TCF24: variants seen among roughly 807,000 people sequenced by gnomAD.
TCF24 encodes the protein transcription factor 24.
A neutral mutation model predicts 9.3 loss-of-function variants in TCF24; 5 were observed. That is an observed-to-expected ratio of 0.54 (90% CI 0.28 to 1.13). TCF24 has a LOEUF of 1.13. TCF24 is among the 50% of genes most tolerant of loss of function. The probability of loss-of-function intolerance (pLI) is 0.09; values close to 1 mark genes in which losing one functional copy is unlikely to be tolerated. For missense variants in TCF24, 220 were observed against 236.1 expected (o/e 0.93, Z 0.45); for synonymous variants, 110 against 115.8 (o/e 0.95, Z 0.32).
At position 66,947,715 on chromosome 8, in the gene TCF24, A is replaced by G. The variant is rs1813984951; in HGVS notation, c.*336T>C. The G allele has an allele frequency of 6.1e-6, 1 of 165,152 alleles. No individual in the cohort carries two copies. Among genetic ancestry groups the G allele is most frequent in the African/African-American group, 2.4e-5 (1 of 41,960 alleles). The allele number at this position is 165,152 out of a possible 1,614,324, so 10.2% of individuals were successfully genotyped here. A position where few individuals can be genotyped will look rare whatever the true frequency, so the allele number is the denominator to read the frequency against. On this transcript the variant is annotated 3_prime_UTR_variant, in exon 4 of 4. Coordinates refer to ENST00000563496, the MANE Select transcript of TCF24 (RefSeq NM_001193502.2). ...TAAACTAGGAAGACTGCACCAATAG[A>G]TATGAACTTTTCTGTTTGTAATAGA... is the stretch of plus-strand genomic sequence containing the variant.
Position 66,949,950 on chromosome 8 carries a change from GTTGT to G in TCF24, c.391-1790_391-1787del, listed in dbSNP as rs1289644991. 2.6e-3 allele frequency among the ~76,000 whole-genome samples: 376 copies of G among 144,258 alleles called. 1 individual carries two copies. Among genetic ancestry groups the G allele is most frequent in the Non-Finnish European group, 4.1e-3 (270 of 66,442 alleles). 94.6% of individuals were successfully genotyped at this position (144,258 alleles called of 152,430 possible). On this transcript the variant is annotated intron_variant, in intron 3 of 3. Coordinates refer to ENST00000563496, the MANE Select transcript of TCF24 (RefSeq NM_001193502.2). ...TGTCCTTCGCCCACTTTTTGATGGG[GTTGT>G]TTGTTTTTTTCTTGTAAATTTGGTT...
chr8:66,951,285 A>G (rs961380025), intron 3 of TCF24, among the ~76,000 whole-genome samples: 1 of 147,886 alleles, frequency 6.8e-6, no homozygotes, highest in Non-Finnish European at 1.5e-5. Context: ...TAATTTATTG[A>G]GAGTTTTTAG....
Position 66,946,550 on chromosome 8 carries a change from T to C in TCF24, c.*1501A>G, listed in dbSNP as rs1402452045. The C allele has an allele frequency of 6.6e-6, 1 of 152,116 alleles. No individual in the cohort carries two copies. The highest frequency in any genetic ancestry group is 1.9e-4 in the East Asian group (1 of 5,192). The allele number at this position is 152,116 out of a possible 1,614,324, so 9.4% of individuals were successfully genotyped here. A position where few individuals can be genotyped will look rare whatever the true frequency, so the allele number is the denominator to read the frequency against. ...TTTATAATACCTCTTATCATGACCA[T>C]TCACCATTAAAGCATTAAAAGAGCA... On this transcript the variant is annotated 3_prime_UTR_variant, in exon 4 of 4. Coordinates refer to ENST00000563496, the MANE Select transcript of TCF24 (RefSeq NM_001193502.2).
rs1372972322 is a variant in TCF24, at chr8:66,951,808, CTGGTTTAGTCT to C, written c.391-3655_391-3645del. Among the ~76,000 whole-genome samples, 6 of 151,972 alleles carry C rather than the reference CTGGTTTAGTCT, an allele frequency of 3.9e-5. No homozygotes were observed. In the East Asian group the frequency reaches 1.2e-3, roughly 29 times the overall value. On this transcript the variant is annotated intron_variant, in intron 3 of 3. Transcript: ENST00000563496. ...GTCTATTCAGAGATTCAACTTCTTC[CTGGTTTAGTCT>C]TGGGAGAGTGTATGTGTCAAGGAAT...
Position 66,947,964 on chromosome 8 carries a change from T to C in TCF24, c.*87A>G. On this transcript the variant is annotated 3_prime_UTR_variant, in exon 4 of 4. Coordinates refer to ENST00000563496, the MANE Select transcript of TCF24 (RefSeq NM_001193502.2). ...CACATGTAAACTTTCAGAAATTTTG[T>C]TATGTCTCATATAATAAATATAGAA... 1.0e-6 allele frequency: 1 copy of C among 985,984 alleles called. No homozygotes were observed. Among genetic ancestry groups the C allele is most frequent in the East Asian group, 2.7e-5 (1 of 37,114 alleles). The allele number at this position is 985,984 out of a possible 1,614,324, so 61.1% of individuals were successfully genotyped here. A position where few individuals can be genotyped will look rare whatever the true frequency, so the allele number is the denominator to read the frequency against.
rs1295856315 is a variant in TCF24 at position 66,947,459 on chromosome 8, A to C, written c.*592T>G. 6.6e-6 allele frequency: 1 copy of C among 152,272 alleles called. No homozygotes were observed. Among genetic ancestry groups the C allele is most frequent in the African/African-American group, 2.4e-5 (1 of 41,470 alleles). 9.4% of individuals were successfully genotyped at this position (152,272 alleles called of 1,614,324 possible). Reference sequence around the variant, plus strand: ...ACAAGTTGCAAACACTGTAAGATACAGAATAACCCTCTAGGAAGGTGACCA... The same window carrying C: ...ACAAGTTGCAAACACTGTAAGATACCGAATAACCCTCTAGGAAGGTGACCA... On this transcript the variant is annotated 3_prime_UTR_variant, in exon 4 of 4. Coordinates refer to ENST00000563496, the MANE Select transcript of TCF24 (RefSeq NM_001193502.2).
intron 3 of TCF24, among the ~76,000 whole-genome samples, chr8:66,959,627 G>A (rs1814222424): frequency 6.6e-6 from 1 of 152,128 alleles, no homozygotes; most frequent in Admixed American, 6.6e-5. Flanking sequence ...TATAGGAAAG[G>A]GACTGAGTCT....
chr8:66,960,954 T>A (rs1814241922), intron 3 of TCF24, among the ~76,000 whole-genome samples: 1 of 152,184 alleles, frequency 6.6e-6, no homozygotes, highest in Non-Finnish European at 1.5e-5. Flanking sequence ...GTGAAATCTT[T>A]CAAATATCCC....
chr8:66,955,937 TA>T (rs1354187574), intron 3 of TCF24, among the ~76,000 whole-genome samples: 106 of 152,212 alleles, frequency 7.0e-4, no homozygotes, highest in African/African-American at 1.5e-3. Flanking sequence ...ATTTTATTAT[TA>T]TTTTTTTTTA....
At position 66,961,730 on chromosome 8, in the gene TCF24, G is replaced by T. The variant is rs2130903463; in HGVS notation, c.36C>A (p.Ser12Arg). Reference protein sequence around the residue: ...DRGRPAGSPLSASAEPAPLAA... With the variant: ...DRGRPAGSPLRASAEPAPLAA... ...CCAGGGGCGCGGGCTCGGCGCTGGC[G>T]CTGAGGGGGCTGCCCGCTGGGCGGC... Residue 12 changes from serine to arginine, a missense_variant, in exon 3 of 4, where the codon AGC becomes AGA. By Grantham distance (110) the Ser-to-Arg change is moderately radical (BLOSUM62 -1). Coordinates refer to ENST00000563496, the MANE Select transcript of TCF24 (RefSeq NM_001193502.2). The T allele has an allele frequency of 9.1e-7, 1 of 1,104,312 alleles. No homozygotes were observed. The highest frequency in any genetic ancestry group is 4.9e-5 in the East Asian group (1 of 20,358). The allele number at this position is 1,104,312 out of a possible 1,614,324, so 68.4% of individuals were successfully genotyped here.
At chr8:66,949,106 CTTTTT>C (rs536966114) in intron 3 of TCF24, among the ~76,000 whole-genome samples, 3 of 146,622 alleles carry the variant, frequency 2.0e-5, no homozygotes, top group Non-Finnish European at 4.5e-5. Context: ...CTTTTTTTTT[CTTTTT>C]TTTTTATTAT....
rs1007548799 is a variant in TCF24 at position 66,961,669 on chromosome 8, C to G, written c.97G>C (p.Gly33Arg). 81 of 1,117,056 alleles carry G rather than the reference C, an allele frequency of 7.3e-5. No homozygotes were observed. Among genetic ancestry groups the G allele is most frequent in the Non-Finnish European group, 8.7e-5 (80 of 915,950 alleles). The allele number at this position is 1,117,056 out of a possible 1,614,324, so 69.2% of individuals were successfully genotyped here. A position where few individuals can be genotyped will look rare whatever the true frequency, so the allele number is the denominator to read the frequency against. ...AIRDSRPGRT[G>R]PGPAGPGGGS... Reference sequence around the variant, plus strand: ...CCCCCAGGGCCCGCCGGCCCCGGCCCGGTCCGCCCGGGACGCGAGTCGCGG... The same window carrying G: ...CCCCCAGGGCCCGCCGGCCCCGGCCGGGTCCGCCCGGGACGCGAGTCGCGG... The change falls in exon 3 of 4, where the codon GGG becomes CGG. Residue 33 changes from glycine to arginine, a missense_variant. Transcript: ENST00000563496.
chr8:66,954,083 T>C (rs1237135216), intron 3 of TCF24, among the ~76,000 whole-genome samples: 2 of 152,258 alleles, frequency 1.3e-5, no homozygotes, highest in Non-Finnish European at 2.9e-5. Flanking sequence ...TCTGAAGCCT[T>C]CTTCTCTCAG....
chr8:66,952,619 A>G, intron 3 of TCF24, among the ~76,000 whole-genome samples: 1 of 150,816 alleles, frequency 6.6e-6, no homozygotes, highest in Admixed American at 6.6e-5. Flanking sequence ...GTCCGCTTGG[A>G]GCAGAGCTGA....
chr8:66,959,111 C>T (rs540540942), intron 3 of TCF24, among the ~76,000 whole-genome samples: 8 of 152,334 alleles, frequency 5.3e-5, no homozygotes, highest in African/African-American at 1.9e-4. Context: ...GCACACACCA[C>T]AGCCACCTAA....
chr8:66,948,389 A>C (rs1228100053), intron 3 of TCF24, among the ~76,000 whole-genome samples: 2 of 152,232 alleles, frequency 1.3e-5, no homozygotes, highest in Non-Finnish European at 2.9e-5. Context: ...TTTAGAAGTA[A>C]TATGTGTGCT....
Position 66,961,443 on chromosome 8 carries a change from T to C in TCF24, c.323A>G (p.Asp108Gly). 6.6e-7 allele frequency: 1 copy of C among 1,526,454 alleles called. No homozygotes were observed. Among genetic ancestry groups the C allele is most frequent in the Admixed American group, 2.0e-5 (1 of 50,392 alleles). The allele number at this position is 1,526,454 out of a possible 1,614,324, so 94.6% of individuals were successfully genotyped here. ...IAHLTRSLQDDAEAPADAGLG... is the reference protein window; with the variant it reads ...IAHLTRSLQDGAEAPADAGLG... Reference sequence around the variant, plus strand: ...CCCGGCGTCCGCCGGCGCCTCGGCGTCGTCCTGCAGGCTGCGGGTGAGATG... The same window carrying C: ...CCCGGCGTCCGCCGGCGCCTCGGCGCCGTCCTGCAGGCTGCGGGTGAGATG... Residue 108 changes from aspartate to glycine, a missense_variant, in exon 3 of 4, where the codon GAC (aspartate) becomes GGC (glycine). By Grantham distance (94) the Asp-to-Gly change is moderately conservative (BLOSUM62 -1). Coordinates refer to ENST00000563496, the MANE Select transcript of TCF24 (RefSeq NM_001193502.2).
At chr8:66,957,370 T>G (rs770797911) in intron 3 of TCF24, among the ~76,000 whole-genome samples, 38 of 135,710 alleles carry the variant, frequency 2.8e-4, no homozygotes, top group Non-Finnish European at 2.3e-4. Context: ...TGAGCCGAGA[T>G]CACACCACTG....
chr8:66,961,419 CCGGCGTCCGCCGGCGCCT>C lies in TCF24; in HGVS notation c.329_346del (p.Glu110_Ala115del), dbSNP rs1814250404. The stretch of plus-strand genomic sequence containing the variant: ...GCCATCGCCGCGCAGGGCGCCCAAC[CCGGCGTCCGCCGGCGCCT>C]CGGCGTCGTCCTGCAGGCTGCGGGT... On this transcript the variant is annotated inframe_deletion, in exon 3 of 4. Coordinates refer to ENST00000563496, the MANE Select transcript of TCF24 (RefSeq NM_001193502.2). 1 of 1,517,768 alleles carries C rather than the reference CCGGCGTCCGCCGGCGCCT, an allele frequency of 6.6e-7. No homozygotes were observed. Among genetic ancestry groups the C allele is most frequent in the South Asian group, 1.2e-5 (1 of 81,928 alleles). 94.0% of individuals were successfully genotyped at this position (1,517,768 alleles called of 1,614,324 possible).
Sources: allele counts gnomAD v4.1 joint callset (sites outside exome capture counted in the v4.1 genomes callset), GRCh38; gene constraint gnomAD v4.1.1; transcripts MANE v1.5; gene names NCBI Gene and HGNC (gene_info 2026-07-23, HGNC 2026-07-21).